NOP14: variants seen among roughly 807,000 people sequenced by gnomAD.
NOP14 encodes the protein nucleolar protein 14.
NOP14 carries 57 observed loss-of-function variants against 101.6 expected under a neutral mutation model. The ratio of observed to expected loss-of-function variants is 0.56; its 90% CI spans 0.45 to 0.70. The LOEUF is 0.70. Ranked by LOEUF, NOP14 falls within the 30% of genes least tolerant of loss-of-function variation. NOP14 has a pLI of 0.00. For missense variants in NOP14, 1,134 were observed against 1,075.5 expected (o/e 1.05, Z -0.76); for synonymous variants, 428 against 424.0 (o/e 1.01, Z -0.12).
rs770350311 is a variant in NOP14 at position 2,963,323 on chromosome 4, G to T, written c.-4C>A. The T allele has an allele frequency of 1.3e-6, 2 of 1,569,232 alleles. No homozygotes were observed. Among genetic ancestry groups the T allele is most frequent in the East Asian group, 4.9e-5 (2 of 41,170 alleles). Reference sequence around the variant, plus strand: ...CGACCTTCTTCGCCTTCGCCATGGCGCGCGCCCCGCTGCGCCCAAGGGCCC... The same window carrying T: ...CGACCTTCTTCGCCTTCGCCATGGCTCGCGCCCCGCTGCGCCCAAGGGCCC... On this transcript the variant is annotated 5_prime_UTR_variant, in exon 1 of 18. Coordinates refer to ENST00000416614, the MANE Select transcript of NOP14 (RefSeq NM_001291978.2).
At chr4:2,961,221 AATATTGTTAG>A (rs1168471753) in intron 1 of NOP14, 103 of 40,952 alleles carry the variant, frequency 2.5e-3, no homozygotes, top group African/African-American at 6.4e-3. Flanking sequence ...TTAATATATT[AATATTGTTAG>A]TATATTAATA....
At chr4:2,941,826 G>A in intron 14 of NOP14, 97 bp from the exon 15 acceptor site, 2 of 1,385,324 alleles carry the variant, frequency 1.4e-6, no homozygotes, top group East Asian at 2.4e-5. Flanking sequence ...CTTCCACTAG[G>A]CTGAAAACTC....
chr4:2,957,525 C>A, intron 2 of NOP14, 81 bp downstream of exon 2: 1 of 1,534,046 alleles, frequency 6.5e-7, no homozygotes, highest in Non-Finnish European at 8.9e-7. Flanking sequence ...ACATGCAAAA[C>A]ATGCAGAGTC....
Position 2,939,408 on chromosome 4 carries a change from T to C in NOP14, c.2319-65A>G, listed in dbSNP as rs1325467522. 3 of 1,608,960 alleles carry C rather than the reference T, an allele frequency of 1.9e-6. No individual in the cohort carries two copies. In the African/African-American group the frequency reaches 4.0e-5, roughly 22 times the overall value. On this transcript the variant is annotated intron_variant, in intron 16 of 17. Coordinates refer to ENST00000416614, the MANE Select transcript of NOP14 (RefSeq NM_001291978.2). Reference sequence around the variant, plus strand: ...TCCCCACCTCTCAGCCAGAGCCTGCTTGGGAGTGTGGCTTCACTCCGTAGT... The same window carrying C: ...TCCCCACCTCTCAGCCAGAGCCTGCCTGGGAGTGTGGCTTCACTCCGTAGT...
At chr4:2,947,234 C>T (rs944717150) in intron 10 of NOP14, 10 of 460,366 alleles carry the variant, frequency 2.2e-5, no homozygotes, top group Admixed American at 4.0e-5. Flanking sequence ...TTGAAACTTA[C>T]AATGAGCCAC....
chr4:2,960,704 TTAATA>T (rs1715690114), intron 1 of NOP14, among the ~76,000 whole-genome samples: 1 of 132,890 alleles, frequency 7.5e-6, no homozygotes, highest in East Asian at 2.1e-4. Context: ...CACATTAATA[TTAATA>T]TATTAATATT....
rs752789508 is a variant in NOP14 at position 2,942,294 on chromosome 4, A to G, written c.1949T>C (p.Val650Ala). ...ALGKNSELLVVSAREDVATWQ... is the reference protein window; with the variant it reads ...ALGKNSELLVASAREDVATWQ... ...CGTGGCCACATCCTCTCTAGCAGAC[A>G]CCACGAGCAGTTCCGAGTTCTTCCC... is the stretch of plus-strand genomic sequence containing the variant. The change falls in exon 14 of 18, where the codon GTG becomes GCG. Residue 650 changes from valine to alanine, a missense_variant. Val to Ala is a moderately conservative substitution (Grantham distance 64). Coordinates refer to ENST00000416614, the MANE Select transcript of NOP14 (RefSeq NM_001291978.2). 38 of 1,614,028 alleles carry G rather than the reference A, an allele frequency of 2.4e-5. No homozygotes were observed. The highest frequency in any genetic ancestry group is 3.1e-5 in the Non-Finnish European group (37 of 1,180,004).
chr4:2,960,278 G>A (rs561689539), intron 1 of NOP14, among the ~76,000 whole-genome samples: 5 of 152,024 alleles, frequency 3.3e-5, no homozygotes, highest in Non-Finnish European at 2.9e-5. Flanking sequence ...AGCATACACC[G>A]AGAAGACTTC....
In NOP14 at chr4:2,938,850, C is replaced by G; in HGVS notation, c.2555G>C (p.Arg852Thr). 6.2e-7 allele frequency: 1 copy of G among 1,613,092 alleles called. No individual in the cohort carries two copies. The highest frequency in any genetic ancestry group is 8.5e-7 in the Non-Finnish European group (1 of 1,179,606). Reference protein sequence around the residue: ...TQEGEWKALKRKKFKK With the variant: ...TQEGEWKALKTKKFKK ...TGTAATTTATTTTTTGAACTTTTTCCTCTTCAGAGCCTTCCATTCGCCTTC... is the reference window on the plus strand; with the variant it reads ...TGTAATTTATTTTTTGAACTTTTTCGTCTTCAGAGCCTTCCATTCGCCTTC... The change falls in exon 18 of 18, where the codon AGG (arginine) becomes ACG (threonine). Residue 852 changes from arginine (R) to threonine (T), a missense_variant. Arg to Thr is a moderately conservative substitution (Grantham distance 71, BLOSUM62 -1). Coordinates refer to ENST00000416614, the MANE Select transcript of NOP14 (RefSeq NM_001291978.2).
chr4:2,945,106 G>T (rs368956240), intron 12 of NOP14, 22 bp downstream of exon 12: 3 of 1,540,472 alleles, frequency 1.9e-6, no homozygotes, highest in Non-Finnish European at 8.8e-7. Flanking sequence ...GCCGACCCCT[G>T]CCGCATGTGG....
At chr4:2,952,753 C>T (rs1488122300) in intron 5 of NOP14, among the ~76,000 whole-genome samples, 2 of 152,134 alleles carry the variant, frequency 1.3e-5, no homozygotes, top group Non-Finnish European at 2.9e-5. Context: ...ATCAGCCTGG[C>T]CCAACATGGT....
At chr4:2,954,851 C>T (rs758139920) in intron 3 of NOP14, among the ~76,000 whole-genome samples, 4 of 151,936 alleles carry the variant, frequency 2.6e-5, no homozygotes, top group South Asian at 2.1e-4. Context: ...CTGGTTCTAG[C>T]GAAGACTGGC....
chr4:2,963,260 C>A lies in NOP14; in HGVS notation c.60G>T (p.Ala20=). 6.3e-7 allele frequency: 1 copy of A among 1,591,076 alleles called. No individual in the cohort carries two copies. The highest frequency in any genetic ancestry group is 8.5e-7 in the Non-Finnish European group (1 of 1,171,352). The change falls in exon 1 of 18, where the codon GCG becomes GCT. Residue 20 remains alanine, a synonymous_variant. Transcript: ENST00000416614. ...AGTTGGCCTTCGCCGGGCCCCCTCGCGCTCCCGCCGGCGCCCCGGAGGCCT... is the reference window on the plus strand; with the variant it reads ...AGTTGGCCTTCGCCGGGCCCCCTCGAGCTCCCGCCGGCGCCCCGGAGGCCT... The part of the protein sequence containing the change: ...RRKASGAPAG[A]RGGPAKANSN...
At chr4:2,940,244 A>T (rs1278543398) in intron 15 of NOP14, 1 of 154,348 alleles carries the variant, frequency 6.5e-6, no homozygotes, top group East Asian at 1.9e-4. Context: ...GTGGCTTCTG[A>T]GGAATCTCCC....
chr4:2,941,818 TC>T, intron 14 of NOP14, 89 bp from the exon 15 acceptor site: 1 of 1,428,070 alleles, frequency 7.0e-7, no homozygotes. Context: ...CTTCCCCACT[TC>T]CACTAGGCTG....
chr4:2,954,585 C>T, intron 3 of NOP14, 22 bp from the exon 4 acceptor site: 19 of 1,612,626 alleles, frequency 1.2e-5, no homozygotes, highest in Non-Finnish European at 1.5e-5. Flanking sequence ...AGGCAGAAAA[C>T]CCCACAGTGA....
chr4:2,959,675 C>T (rs539909096), intron 1 of NOP14, among the ~76,000 whole-genome samples: 1 of 152,248 alleles, frequency 6.6e-6, no homozygotes, highest in African/African-American at 2.4e-5. Flanking sequence ...GCGAGTGTCC[C>T]CAGATAGACC....
In NOP14 at chr4:2,957,624, C is replaced by T. The variant is rs1715438127; in HGVS notation, c.312G>A (p.Arg104=). The change falls in exon 2 of 18, where the codon AGG becomes AGA. Residue 104 remains arginine (R), a synonymous_variant. Coordinates refer to ENST00000416614, the MANE Select transcript of NOP14 (RefSeq NM_001291978.2). Reference sequence around the variant, plus strand: ...TCCATACCTGCTGTTCCAGAGCAAACCTCTTCATCATCTTCTCCTCGGGGC... The same window carrying T: ...TCCATACCTGCTGTTCCAGAGCAAATCTCTTCATCATCTTCTCCTCGGGGC... ...NMSPEEKMMK[R]FALEQQRHHE... 1 of 1,614,048 alleles carries T rather than the reference C, an allele frequency of 6.2e-7. No individual in the cohort carries two copies. Among genetic ancestry groups the T allele is most frequent in the African/African-American group, 1.3e-5 (1 of 74,928 alleles).
At chr4:2,944,335 A>T in intron 12 of NOP14, 109 bp from the exon 13 acceptor site, 1 of 899,378 alleles carries the variant, frequency 1.1e-6, no homozygotes, top group Non-Finnish European at 1.7e-6. Context: ...CTTCACAAGT[A>T]CAGAGGGAAC....
Sources: gnomAD v4.1 joint callset for allele counts (sites outside exome capture counted in the v4.1 genomes callset) on GRCh38, gnomAD v4.1.1 for gene constraint, MANE v1.5 for transcripts, NCBI Gene and HGNC (gene_info 2026-07-23, HGNC 2026-07-21) for gene names.